Variants in CNTN3 observed in about 807,000 individuals in gnomAD.
The protein encoded by CNTN3 is contactin 3.
In CNTN3, 60 loss-of-function variants were observed where a neutral mutation model predicts 119.1. The observed-to-expected ratio is 0.50, with a 90% CI of 0.41 to 0.62. The LOEUF is 0.62. Among genes scored for constraint, CNTN3 ranks in the 20% least tolerant of loss-of-function variants. CNTN3 has a pLI of 0.00. For synonymous variants in CNTN3, 450 were observed against 438.7 expected, an observed-to-expected ratio of 1.03 and a Z score of -0.32; for missense variants, 1,101 against 1,242.4, an observed-to-expected ratio of 0.89 and a Z score of 1.71.
chr3:74,591,904 A>G (rs1163870838), intron 1 of CNTN3, among the ~76,000 whole-genome samples: 1 of 151,950 alleles, frequency 6.6e-6, no homozygotes, highest in African/African-American at 2.4e-5. Context: ...AGGACACAGA[A>G]GCACCAGAGA....
At chr3:74,321,495 T>C (rs1702988580) in intron 13 of CNTN3, among the ~76,000 whole-genome samples, 1 of 151,902 alleles carries the variant, frequency 6.6e-6, no homozygotes, top group Non-Finnish European at 1.5e-5. Context: ...GCTTTTTGCT[T>C]CAGAAAACTG....
At chr3:74,439,691 CAG>C (rs937066774) in intron 4 of CNTN3, among the ~76,000 whole-genome samples, 1 of 152,114 alleles carries the variant, frequency 6.6e-6, no homozygotes, top group Non-Finnish European at 1.5e-5. Flanking sequence ...AGGGAGAAAA[CAG>C]AGAAACAACA....
chr3:74,289,578 C>A (rs546210070), intron 19 of CNTN3, among the ~76,000 whole-genome samples: 1 of 152,112 alleles, frequency 6.6e-6, no homozygotes, highest in Non-Finnish European at 1.5e-5. Flanking sequence ...CAATCTCATC[C>A]CAAAGCCCAA....
intron 13 of CNTN3, among the ~76,000 whole-genome samples, chr3:74,327,835 CCATT>C (rs556915784): frequency 6.6e-6 from 1 of 151,474 alleles, no homozygotes; most frequent in South Asian, 2.1e-4. Context: ...CAGAAATGGT[CCATT>C]TAACTAGAAT....
chr3:74,567,141 TTC>T (rs1704238644), intron 1 of CNTN3, among the ~76,000 whole-genome samples: 1 of 151,842 alleles, frequency 6.6e-6, no homozygotes, highest in Non-Finnish European at 1.5e-5. Flanking sequence ...ATGTGGCTTC[TTC>T]TTTTTTTTAA....
chr3:74,510,844 A>G (rs757938351), intron 2 of CNTN3, among the ~76,000 whole-genome samples: 4 of 152,160 alleles, frequency 2.6e-5, no homozygotes, highest in Non-Finnish European at 5.9e-5. Flanking sequence ...GTTAGGATTC[A>G]AATCAGTCAC....
intron 4 of CNTN3, among the ~76,000 whole-genome samples, chr3:74,453,709 T>G (rs1465038124): frequency 6.6e-6 from 1 of 151,224 alleles, no homozygotes; most frequent in East Asian, 2.0e-4. Context: ...GATTCTGGTA[T>G]GTTGTGTCTT....
At chr3:74,301,274 A>G in intron 16 of CNTN3, 124 bp downstream of exon 16, 2 of 969,666 alleles carry the variant, frequency 2.1e-6, no homozygotes, top group South Asian at 3.2e-5. Context: ...GCCATTAGAA[A>G]GGTTAGATAA....
At chr3:74,491,382 A>C (rs1400730358) in intron 3 of CNTN3, among the ~76,000 whole-genome samples, 16 of 152,012 alleles carry the variant, frequency 1.1e-4, no homozygotes. Flanking sequence ...ATGTGCTTGT[A>C]GTCCCAGCTA....
chr3:74,298,449 CT>C (rs1702385761), intron 17 of CNTN3, among the ~76,000 whole-genome samples: 2 of 152,156 alleles, frequency 1.3e-5, no homozygotes, highest in South Asian at 4.1e-4. Flanking sequence ...AGCTGATCAT[CT>C]TATGGCTCAA....
Position 74,486,639 on chromosome 3 carries a change from A to G in CNTN3, c.183-8T>C. On this transcript the variant is annotated splice_region_variant and splice_polypyrimidine_tract_variant and intron_variant, in intron 3 of 22. Transcript: ENST00000263665. ...CTTCCATTCAGCTGCCATCTGTAAA[A>G]CAAATATCAAGGTTCCCCCCCCTTA... is the stretch of plus-strand genomic sequence containing the variant. 6.6e-6 allele frequency: 10 copies of G among 1,520,794 alleles called. No homozygotes were observed. Among genetic ancestry groups the G allele is most frequent in the Non-Finnish European group, 8.8e-6 (10 of 1,140,872 alleles). 94.2% of individuals were successfully genotyped at this position (1,520,794 alleles called of 1,614,324 possible).
chr3:74,296,868 CA>C (rs1174118954), intron 18 of CNTN3, among the ~76,000 whole-genome samples: 2 of 145,164 alleles, frequency 1.4e-5, no homozygotes, highest in African/African-American at 2.8e-5. Flanking sequence ...TAGTTTCTGC[CA>C]TTTTTTTTTT....
chr3:74,563,685 G>A (rs1038965353), intron 1 of CNTN3, among the ~76,000 whole-genome samples: 1 of 152,072 alleles, frequency 6.6e-6, no homozygotes, highest in African/African-American at 2.4e-5. Context: ...GATTTTGAAT[G>A]GGAAGCTTAT....
chr3:74,334,710 G>C (rs779406300), intron 13 of CNTN3, 25 bp downstream of exon 13: 2 of 1,601,960 alleles, frequency 1.2e-6, no homozygotes, highest in African/African-American at 1.3e-5. Context: ...AATATAAAAA[G>C]TATGAGGAAA....
At chr3:74,509,615 T>C (rs1285561972) in intron 2 of CNTN3, among the ~76,000 whole-genome samples, 2 of 152,136 alleles carry the variant, frequency 1.3e-5, no homozygotes, top group Non-Finnish European at 2.9e-5. Flanking sequence ...TCCTATTGCT[T>C]TCCTTAATAA....
chr3:74,600,813 C>T (rs1364347324), intron 1 of CNTN3, among the ~76,000 whole-genome samples: 1 of 152,012 alleles, frequency 6.6e-6, no homozygotes, highest in Non-Finnish European at 1.5e-5. Flanking sequence ...CATGCCAGGC[C>T]AGATTTTTTC....
At chr3:74,444,618 G>C (rs554524171) in intron 4 of CNTN3, among the ~76,000 whole-genome samples, 3 of 151,846 alleles carry the variant, frequency 2.0e-5, no homozygotes, top group South Asian at 4.2e-4. Flanking sequence ...GCTTTGCCTT[G>C]GTGTCCCCTT....
chr3:74,323,798 C>A (rs371952940), intron 13 of CNTN3, among the ~76,000 whole-genome samples: 1 of 152,156 alleles, frequency 6.6e-6, no homozygotes, highest in African/African-American at 2.4e-5. Flanking sequence ...TCCTGTCAGC[C>A]TTTGTCAAAC....
At chr3:74,563,327 A>G (rs754810933) in intron 1 of CNTN3, among the ~76,000 whole-genome samples, 15 of 152,188 alleles carry the variant, frequency 9.9e-5, no homozygotes, top group Non-Finnish European at 1.3e-4. Flanking sequence ...CACAGACAAA[A>G]AAGCTTACAT....
Sources: gnomAD v4.1 joint callset for allele counts (sites outside exome capture counted in the v4.1 genomes callset) on GRCh38, gnomAD v4.1.1 for gene constraint, MANE v1.5 for transcripts, NCBI Gene and HGNC (gene_info 2026-07-23, HGNC 2026-07-21) for gene names.